CARMIL1: variants seen among roughly 807,000 people sequenced by gnomAD.
CARMIL1 encodes F-actin-uncapping protein LRRC16A.
In CARMIL1, 90 loss-of-function variants were observed where a neutral mutation model predicts 177.1. That is an observed-to-expected ratio of 0.51 (90% CI 0.43 to 0.61). The LOEUF is 0.61. Ranked by LOEUF, CARMIL1 falls within the 20% of genes least tolerant of loss-of-function variation. The probability of loss-of-function intolerance (pLI) is 0.00; values close to 1 mark genes in which losing one functional copy is unlikely to be tolerated. For missense variants in CARMIL1, 1,380 were observed against 1,667.0 expected (o/e 0.83, Z 3.00); for synonymous variants, 577 against 606.2 (o/e 0.95, Z 0.71).
At chr6:25,449,843 A>T (rs1581984197) in intron 5 of CARMIL1, 55 bp from the exon 6 acceptor site, 2 of 982,108 alleles carry the variant, frequency 2.0e-6, no homozygotes, top group African/African-American at 1.6e-5. Flanking sequence ...ATTTATTTCT[A>T]TGTGCAGTCA....
chr6:25,554,022 A>C lies in CARMIL1; in HGVS notation c.2518A>C (p.Thr840Pro). The C allele has an allele frequency of 6.3e-7, 1 of 1,598,548 alleles. No individual in the cohort carries two copies. Among genetic ancestry groups the C allele is most frequent in the Non-Finnish European group, 8.5e-7 (1 of 1,171,850 alleles). ...ATTTTCACACAGTGAAGTAAAATTG[A>C]CAGTGGCCTCGTTCCTGTCTGATAG... ...ILNKISEVKLTVASFLSDRIV... is the reference protein window; with the variant it reads ...ILNKISEVKLPVASFLSDRIV... The change falls in exon 28 of 37, where the codon ACA (threonine) becomes CCA (proline). Residue 840 changes from threonine (T) to proline (P), a missense_variant. Transcript: ENST00000329474. This position sits in a 1 kb window ranked among gnomAD's most constrained non-coding sequence, Gnocchi z 4.6.
chr6:25,348,293 C>T (rs966460394), intron 2 of CARMIL1, among the ~76,000 whole-genome samples: 11 of 151,758 alleles, frequency 7.2e-5, no homozygotes, highest in African/African-American at 1.7e-4. Context: ...CCACCACAGC[C>T]GGCTAATTTT....
chr6:25,509,991 C>A lies in CARMIL1; in HGVS notation c.1477+254C>A, dbSNP rs1805311128. Among the ~76,000 whole-genome samples the A allele has an allele frequency of 1.3e-5, 2 of 152,222 alleles. No homozygotes were observed. The highest frequency in any genetic ancestry group is 4.1e-4 in the South Asian group (2 of 4,820). On this transcript the variant is annotated intron_variant, in intron 18 of 36. Coordinates refer to ENST00000329474, the MANE Select transcript of CARMIL1 (RefSeq NM_017640.6). This position sits in a 1 kb window ranked among gnomAD's most constrained non-coding sequence, Gnocchi z 4.1. ...TAAAACAACTCAGTTATAAAAATAT[C>A]ACCAGTACATTGAAAAGGGTCTGAG...
At chr6:25,538,207 G>C (rs992488438) in intron 25 of CARMIL1, among the ~76,000 whole-genome samples, 1 of 152,148 alleles carries the variant, frequency 6.6e-6, no homozygotes. Context: ...TTCACAGAGG[G>C]TGTGATTGGG....
At chr6:25,345,178 C>A (rs546164775) in intron 2 of CARMIL1, among the ~76,000 whole-genome samples, 12 of 152,288 alleles carry the variant, frequency 7.9e-5, no homozygotes, top group African/African-American at 2.9e-4. Flanking sequence ...TCCCTTCTTA[C>A]TTCATTTACC....
intron 2 of CARMIL1, among the ~76,000 whole-genome samples, chr6:25,343,244 G>GA (rs1196635461): frequency 1.3e-5 from 2 of 151,722 alleles, no homozygotes; most frequent in African/African-American, 4.8e-5. Context: ...GATTAGAGAG[G>GA]ATTTAAATTT....
chr6:25,515,886 T>C lies in CARMIL1; in HGVS notation c.1805+39T>C. 6.4e-7 allele frequency: 1 copy of C among 1,554,552 alleles called. No individual in the cohort carries two copies. Among genetic ancestry groups the C allele is most frequent in the Non-Finnish European group, 8.7e-7 (1 of 1,148,666 alleles). On this transcript the variant is annotated intron_variant, in intron 21 of 36. Coordinates refer to ENST00000329474, the MANE Select transcript of CARMIL1 (RefSeq NM_017640.6). This position sits in a 1 kb window ranked among gnomAD's most constrained non-coding sequence, Gnocchi z 5.0. ...ACCCTCCCTGCTCATGAGGAAGGCTTGGAGCAGATTCCGAACAGCAAGCAT... is the reference window on the plus strand; with the variant it reads ...ACCCTCCCTGCTCATGAGGAAGGCTCGGAGCAGATTCCGAACAGCAAGCAT...
intron 2 of CARMIL1, among the ~76,000 whole-genome samples, chr6:25,364,406 G>A (rs1361546858): frequency 6.6e-6 from 1 of 152,106 alleles, no homozygotes; most frequent in African/African-American, 2.4e-5. Flanking sequence ...TATAACCATA[G>A]CCAACTCTCT....
intron 8 of CARMIL1, among the ~76,000 whole-genome samples, chr6:25,459,691 G>T (rs1467032334): frequency 6.6e-6 from 1 of 152,216 alleles, no homozygotes; most frequent in Non-Finnish European, 1.5e-5. Flanking sequence ...TGTTGTGTAA[G>T]AAATGATTGT....
At chr6:25,510,375 T>C in intron 18 of CARMIL1, 132 bp from the exon 19 acceptor site, 1 of 574,936 alleles carries the variant, frequency 1.7e-6, no homozygotes, top group Non-Finnish European at 3.1e-6. Flanking sequence ...AATAAAAGAT[T>C]AGAATCCCAG....
chr6:25,490,813 A>AT (rs1241073276), intron 13 of CARMIL1, among the ~76,000 whole-genome samples: 11 of 152,274 alleles, frequency 7.2e-5, no homozygotes, highest in Admixed American at 1.3e-4. Context: ...TTTACAGGCT[A>AT]TTTTTTTGCT....
At chr6:25,333,004 T>A (rs1785849741) in intron 2 of CARMIL1, among the ~76,000 whole-genome samples, 1 of 152,096 alleles carries the variant, frequency 6.6e-6, no homozygotes, top group African/African-American at 2.4e-5. Flanking sequence ...GAGGCTCTCT[T>A]TTTCTGCTGG....
intron 2 of CARMIL1, among the ~76,000 whole-genome samples, chr6:25,340,407 C>T (rs74982812): frequency 0.012 from 1,752 of 152,202 alleles, 32 homozygotes; most frequent in African/African-American, 0.04. Context: ...ATTTGACAAC[C>T]CTGAGCTTGT....
intron 2 of CARMIL1, among the ~76,000 whole-genome samples, chr6:25,353,284 C>T (rs1488940730): frequency 6.6e-6 from 1 of 152,130 alleles, no homozygotes; most frequent in Admixed American, 6.5e-5. Context: ...CTCAACAATC[C>T]TAGGAGAGAT....
intron 17 of CARMIL1, 98 bp downstream of exon 17, chr6:25,500,333 T>TC: frequency 2.1e-6 from 2 of 966,602 alleles, no homozygotes; most frequent in Admixed American, 2.3e-5. Flanking sequence ...CCACAGGGTG[T>TC]AAATGAAGCA....
intron 8 of CARMIL1, among the ~76,000 whole-genome samples, chr6:25,459,934 T>C (rs1192276467): frequency 6.6e-6 from 1 of 152,226 alleles, no homozygotes; most frequent in African/African-American, 2.4e-5. Context: ...ATTAGGAGTT[T>C]CTTAGGATGT....
Position 25,509,303 on chromosome 6 carries a change from A to G in CARMIL1, c.1396-353A>G, listed in dbSNP as rs902471160. On this transcript the variant is annotated intron_variant, in intron 17 of 36. Coordinates refer to ENST00000329474, the MANE Select transcript of CARMIL1 (RefSeq NM_017640.6). This position sits in a 1 kb window ranked among gnomAD's most constrained non-coding sequence, Gnocchi z 4.1. Reference sequence around the variant, plus strand: ...AAATAAAACAGTAACTTTCTCATGTATAAAATGAATTTATTAAATTTCCAA... The same window carrying G: ...AAATAAAACAGTAACTTTCTCATGTGTAAAATGAATTTATTAAATTTCCAA... Among the ~76,000 whole-genome samples the G allele has an allele frequency of 4.6e-5, 7 of 152,204 alleles. No homozygotes were observed. Among genetic ancestry groups the G allele is most frequent in the Non-Finnish European group, 8.8e-5 (6 of 68,014 alleles).
chr6:25,296,225 G>A (rs1782357883), intron 2 of CARMIL1, among the ~76,000 whole-genome samples: 2 of 152,118 alleles, frequency 1.3e-5, no homozygotes, highest in Admixed American at 6.5e-5. Flanking sequence ...CTCATTTACT[G>A]TCCCAATTTC....
intron 1 of CARMIL1, 93 bp downstream of exon 1, chr6:25,279,928 G>A: frequency 6.8e-7 from 1 of 1,471,442 alleles, no homozygotes; most frequent in Non-Finnish European, 9.5e-7. Context: ...CAGGTCTCGA[G>A]AAGTCTTGGC....
Sources: gnomAD v4.1 joint callset for allele counts (sites outside exome capture counted in the v4.1 genomes callset) on GRCh38, gnomAD v4.1.1 for gene constraint, Gnocchi (gnomAD v3.1) non-coding constraint, MANE v1.5 for transcripts, NCBI Gene and HGNC (gene_info 2026-07-23, HGNC 2026-07-21) for gene names.